KPNB1: variants seen among roughly 807,000 people sequenced by gnomAD.
KPNB1 encodes karyopherin subunit beta 1.
A neutral mutation model predicts 113.0 loss-of-function variants in KPNB1; 7 were observed. The observed-to-expected ratio is 0.06, with a 90% CI of 0.04 to 0.12. The LOEUF is 0.12. Ranked by LOEUF, KPNB1 falls within the 10% of genes least tolerant of loss-of-function variation. KPNB1 has a pLI of 1.00. For missense variants in KPNB1, 400 were observed against 1,054.8 expected (o/e 0.38, Z 8.60); for synonymous variants, 363 against 378.6 (o/e 0.96, Z 0.48).
rs1419981267 is a variant in KPNB1 at position 47,675,389 on chromosome 17, G to GT, written c.1912+617dup. 6.4e-4 allele frequency among the ~76,000 whole-genome samples: 50 copies of GT among 78,416 alleles called. 2 individuals carry two copies. Among genetic ancestry groups the GT allele is most frequent in the South Asian group, 2.5e-3 (6 of 2,436 alleles). 51.4% of individuals were successfully genotyped at this position (78,416 alleles called of 152,430 possible). The stretch of plus-strand genomic sequence containing the variant: ...TTTTTTTTGTTTTTTTTTTTTGTTT[G>GT]TTTTTTTTTTGAGACTTGTTCTGTT... On this transcript the variant is annotated intron_variant, in intron 15 of 21. Transcript: ENST00000290158.
chr17:47,650,481 C>A (rs745913580), intron 2 of KPNB1, 37 bp downstream of exon 2: 12 of 1,581,540 alleles, frequency 7.6e-6, no homozygotes, highest in Non-Finnish European at 1.0e-5. Flanking sequence ...CCGCCGCGTC[C>A]CCATCCCCTG....
rs767740639 is a variant in KPNB1 at position 47,652,686 on chromosome 17, C to T, written c.100-8C>T. On this transcript the variant is annotated splice_polypyrimidine_tract_variant and splice_region_variant and intron_variant, in intron 2 of 21. Coordinates refer to ENST00000290158, the MANE Select transcript of KPNB1 (RefSeq NM_002265.6). Reference sequence around the variant, plus strand: ...ATTTTTATTTACAAATTTATCTTCCCTTAACAGCCCACTTTCCTTGTGGAA... The same window carrying T: ...ATTTTTATTTACAAATTTATCTTCCTTTAACAGCCCACTTTCCTTGTGGAA... 12 of 1,555,164 alleles carry T rather than the reference C, an allele frequency of 7.7e-6. No homozygotes were observed. The African/African-American group carries it at 1.5e-4, about 20-fold the overall frequency.
At chr17:47,666,656 G>T (rs1279914717) in intron 9 of KPNB1, among the ~76,000 whole-genome samples, 1 of 148,666 alleles carries the variant, frequency 6.7e-6, no homozygotes, top group Non-Finnish European at 1.5e-5. Context: ...GTCTCACTCT[G>T]TTGCCAGGCT....
At chr17:47,680,718 G>T (rs369580009) in intron 21 of KPNB1, 49 bp downstream of exon 21, 3 of 1,568,786 alleles carry the variant, frequency 1.9e-6, no homozygotes, top group East Asian at 4.6e-5. Flanking sequence ...CTGGAGGAGG[G>T]GGGTATGTTT....
intron 6 of KPNB1, among the ~76,000 whole-genome samples, chr17:47,661,984 A>G (rs562267381): frequency 1.3e-5 from 2 of 152,342 alleles, no homozygotes; most frequent in East Asian, 3.9e-4. Flanking sequence ...CCCTGTAGCC[A>G]TTAAAGCAGC....
At chr17:47,675,990 G>C (rs199965789) in intron 15 of KPNB1, among the ~76,000 whole-genome samples, 4 of 152,052 alleles carry the variant, frequency 2.6e-5, no homozygotes, top group African/African-American at 9.7e-5. Context: ...GCTGTGGCTT[G>C]TTTAGCCCTT....
At chr17:47,650,471 C>A in intron 2 of KPNB1, 27 bp downstream of exon 2, 1 of 1,588,928 alleles carries the variant, frequency 6.3e-7, no homozygotes, top group Non-Finnish European at 8.6e-7. Context: ...CGCGCCCATC[C>A]CGCCGCGTCC....
chr17:47,670,275 G>A (rs527543648), intron 11 of KPNB1: 1 of 217,494 alleles, frequency 4.6e-6, no homozygotes, highest in African/African-American at 2.3e-5. Flanking sequence ...GTTAAGGGGA[G>A]GAAGTTCAAA....
intron 5 of KPNB1, among the ~76,000 whole-genome samples, chr17:47,660,787 A>T (rs565592354): frequency 6.6e-6 from 1 of 152,252 alleles, no homozygotes; most frequent in Non-Finnish European, 1.5e-5. Flanking sequence ...ATTTTCCTAC[A>T]TGTAAATTTT....
intron 15 of KPNB1, among the ~76,000 whole-genome samples, chr17:47,675,052 C>G (rs1251301787): frequency 6.6e-6 from 1 of 152,114 alleles, no homozygotes; most frequent in Non-Finnish European, 1.5e-5. Flanking sequence ...ACTCCTGAGT[C>G]AAGTGATCCT....
In KPNB1 at chr17:47,675,361, G is replaced by GTT. The variant is rs1166648701; in HGVS notation, c.1912+588_1912+589dup. On this transcript the variant is annotated intron_variant, in intron 15 of 21. Coordinates refer to ENST00000290158, the MANE Select transcript of KPNB1 (RefSeq NM_002265.6). ...TGCAACGGAGATTGGCAGAGGTGTTGTTTTTTTTTTGTTTTTTTTTTTTGT... is the reference window on the plus strand; with the variant it reads ...TGCAACGGAGATTGGCAGAGGTGTTGTTTTTTTTTTTTGTTTTTTTTTTTTGT... 9.2e-3 allele frequency among the ~76,000 whole-genome samples: 813 copies of GTT among 88,492 alleles called. 136 individuals are homozygous for GTT. Among genetic ancestry groups the GTT allele is most frequent in the African/African-American group, 0.016 (352 of 21,484 alleles). 58.1% of individuals were successfully genotyped at this position (88,492 alleles called of 152,430 possible).
chr17:47,672,631 G>A (rs1026413422), intron 12 of KPNB1, among the ~76,000 whole-genome samples: 1 of 151,984 alleles, frequency 6.6e-6, no homozygotes, highest in South Asian at 2.1e-4. Context: ...CAAGTGATCC[G>A]CCTGCCTCAG....
At chr17:47,676,577 A>C (rs2030620157) in intron 16 of KPNB1, 86 bp downstream of exon 16, 1 of 1,018,774 alleles carries the variant, frequency 9.8e-7, no homozygotes, top group East Asian at 2.5e-5. Flanking sequence ...TTATAGCTTA[A>C]GTAGTTTTTC....
intron 3 of KPNB1, 151 bp from the exon 4 acceptor site, chr17:47,656,709 C>G (rs1461417875): frequency 5.6e-6 from 4 of 708,286 alleles, no homozygotes; most frequent in African/African-American, 5.4e-5. Flanking sequence ...GATCGTGCCA[C>G]TGCACTCCAG....
At chr17:47,666,425 T>TTA (rs973164992) in intron 9 of KPNB1, among the ~76,000 whole-genome samples, 42 of 144,204 alleles carry the variant, frequency 2.9e-4, no homozygotes, top group East Asian at 1.4e-3. Flanking sequence ...TGTGTGTATT[T>TTA]TATATATATA....
chr17:47,650,345 C>T (rs1416185939), intron 1 of KPNB1, 41 bp from the exon 2 acceptor site: 2 of 1,610,504 alleles, frequency 1.2e-6, no homozygotes, highest in Admixed American at 1.7e-5. Context: ...GGAGGCCCGG[C>T]CCCTCTGACC....
At position 47,658,408 on chromosome 17, in the gene KPNB1, C is replaced by T; in HGVS notation, c.484-100C>T. 5 of 1,332,522 alleles carry T rather than the reference C, an allele frequency of 3.8e-6. No homozygotes were observed. In the South Asian group the frequency reaches 7.1e-5, roughly 19 times the overall value. 82.5% of individuals were successfully genotyped at this position (1,332,522 alleles called of 1,614,324 possible). ...GATGCAACCATCCATTTTTTTTCCT[C>T]TAAATATTTTCAATCCATAGTTGTT... On this transcript the variant is annotated intron_variant, in intron 4 of 21. Transcript: ENST00000290158.
At chr17:47,678,256 T>C in intron 18 of KPNB1, 52 bp from the exon 19 acceptor site, 2 of 1,610,324 alleles carry the variant, frequency 1.2e-6, no homozygotes, top group African/African-American at 1.3e-5. Flanking sequence ...TTGACAAACA[T>C]GCAGCTAAAA....
intron 15 of KPNB1, among the ~76,000 whole-genome samples, chr17:47,675,368 T>TTTTTTTTTTTTA (rs2030574751): frequency 8.6e-6 from 1 of 116,546 alleles, no homozygotes; most frequent in African/African-American, 3.8e-5. Context: ...GTTGTTTTTT[T>TTTTTTTTTTTTA]TTTGTTTTTT....
Sources: allele counts gnomAD v4.1 joint callset (sites outside exome capture counted in the v4.1 genomes callset), GRCh38; gene constraint gnomAD v4.1.1; transcripts MANE v1.5; gene names NCBI Gene and HGNC (gene_info 2026-07-23, HGNC 2026-07-21).